Variants in BABAM2 observed in about 807,000 individuals in gnomAD.
The protein encoded by BABAM2 is BRISC and BRCA1 A complex member 2.
BABAM2 carries 31 observed loss-of-function variants against 54.7 expected under a neutral mutation model. That is an observed-to-expected ratio of 0.57 (90% CI 0.43 to 0.77). The LOEUF (loss-of-function observed/expected upper bound fraction) is 0.77, where lower values mean the gene tolerates loss of function less well. Among genes scored for constraint, BABAM2 ranks in the 30% least tolerant of loss-of-function variants. BABAM2 has a pLI of 0.00. For missense variants in BABAM2, 364 were observed against 455.8 expected (o/e 0.80, Z 1.83); for synonymous variants, 167 against 162.9 (o/e 1.03, Z -0.19).
intron 7 of BABAM2, among the ~76,000 whole-genome samples, chr2:28,151,026 A>C (rs1358468909): frequency 6.6e-6 from 1 of 152,196 alleles, no homozygotes; most frequent in Non-Finnish European, 1.5e-5. Context: ...GCAGCGTTCT[A>C]ATCAGATTTG....
chr2:28,245,981 CAGAA>C (rs1682879843), intron 10 of BABAM2, among the ~76,000 whole-genome samples: 2 of 152,154 alleles, frequency 1.3e-5, no homozygotes, highest in African/African-American at 4.8e-5. Context: ...TCCATAGTGG[CAGAA>C]AGAAGAAAAC....
At chr2:28,283,956 C>A (rs891288454) in intron 10 of BABAM2, among the ~76,000 whole-genome samples, 1 of 152,194 alleles carries the variant, frequency 6.6e-6, no homozygotes, top group Admixed American at 6.5e-5. Context: ...GGTTTACTGA[C>A]TGTGAATATG....
At chr2:28,336,850 CGG>C (rs1691513769) in intron 11 of BABAM2, among the ~76,000 whole-genome samples, 1 of 152,192 alleles carries the variant, frequency 6.6e-6, no homozygotes, top group Non-Finnish European at 1.5e-5. Flanking sequence ...ACAGGATCCC[CGG>C]TGAGTGCTCG....
chr2:28,184,171 G>A (rs1012665220), intron 7 of BABAM2, among the ~76,000 whole-genome samples: 1 of 151,624 alleles, frequency 6.6e-6, no homozygotes, highest in African/African-American at 2.4e-5. Context: ...GTGGCATCAA[G>A]AACTAGGACT....
chr2:28,234,567 T>C (rs1035233431), intron 7 of BABAM2, among the ~76,000 whole-genome samples: 6 of 152,212 alleles, frequency 3.9e-5, no homozygotes, highest in African/African-American at 1.4e-4. Context: ...CCTATTACTG[T>C]CAACTCCAGG....
At chr2:28,140,592 T>C (rs1229612195) in intron 7 of BABAM2, among the ~76,000 whole-genome samples, 4 of 152,224 alleles carry the variant, frequency 2.6e-5, no homozygotes, top group Non-Finnish European at 5.9e-5. Flanking sequence ...GTAATACTTT[T>C]AGCATTTCAT....
At chr2:28,028,488 C>T (rs1676047917) in intron 5 of BABAM2, among the ~76,000 whole-genome samples, 1 of 151,128 alleles carries the variant, frequency 6.6e-6, no homozygotes. Flanking sequence ...GCCTACCATA[C>T]TTATTGATTA....
intron 10 of BABAM2, among the ~76,000 whole-genome samples, chr2:28,250,849 A>G (rs1683409809): frequency 6.6e-6 from 1 of 152,000 alleles, no homozygotes; most frequent in Non-Finnish European, 1.5e-5. Flanking sequence ...TCTACCCGCC[A>G]TGGCTTCCCA....
At chr2:28,160,914 T>A (rs1257267519) in intron 7 of BABAM2, among the ~76,000 whole-genome samples, 1 of 152,186 alleles carries the variant, frequency 6.6e-6, no homozygotes, top group East Asian at 1.9e-4. Context: ...GGAAGATTTC[T>A]ACTATCTATG....
upstream of BABAM2, chr2:27,890,188 A>G: frequency 6.8e-7 from 1 of 1,476,822 alleles, no homozygotes; most frequent in Non-Finnish European, 9.4e-7. The surrounding 1 kb of genome is among the most constrained non-coding windows in gnomAD (Gnocchi z 4.8). Context: ...CAAAAGCTCC[A>G]CTGGGCGCAT....
At chr2:28,303,776 C>A (rs1688294563) in intron 11 of BABAM2, among the ~76,000 whole-genome samples, 1 of 151,948 alleles carries the variant, frequency 6.6e-6, no homozygotes, top group African/African-American at 2.4e-5. Context: ...AATACTGAAT[C>A]TTTTATAATA....
intron 3 of BABAM2, among the ~76,000 whole-genome samples, chr2:27,957,606 G>A (rs139098834): frequency 0.021 from 3,208 of 152,146 alleles, 61 homozygotes; most frequent in South Asian, 0.1. Context: ...AAAAGAATTC[G>A]GTAGAGCATG....
intron 7 of BABAM2, among the ~76,000 whole-genome samples, chr2:28,152,354 G>A (rs895596683): frequency 6.6e-6 from 1 of 152,138 alleles, no homozygotes; most frequent in Non-Finnish European, 1.5e-5. Context: ...CTTGCTGGTG[G>A]CCTCAGTACC....
chr2:28,226,399 T>C (rs1443052092), intron 7 of BABAM2, among the ~76,000 whole-genome samples: 1 of 152,232 alleles, frequency 6.6e-6, no homozygotes, highest in Non-Finnish European at 1.5e-5. Context: ...TTATATTCAT[T>C]GGACTTTAAT....
intron 10 of BABAM2, among the ~76,000 whole-genome samples, chr2:28,297,202 G>T (rs1246953027): frequency 1.3e-5 from 2 of 152,122 alleles, no homozygotes; most frequent in Non-Finnish European, 2.9e-5. Flanking sequence ...TTTGAGTCTT[G>T]CCCCTGCCTG....
intron 10 of BABAM2, among the ~76,000 whole-genome samples, chr2:28,273,856 G>A (rs1015000250): frequency 1.3e-5 from 2 of 152,188 alleles, no homozygotes; most frequent in African/African-American, 2.4e-5. Context: ...CAGTGGCTCC[G>A]AGATTCAGCT....
At chr2:28,040,926 A>G (rs906705273) in intron 5 of BABAM2, among the ~76,000 whole-genome samples, 6 of 152,216 alleles carry the variant, frequency 3.9e-5, no homozygotes, top group African/African-American at 7.2e-5. Context: ...TAGGATCAAC[A>G]TTTTGAGAAG....
intron 7 of BABAM2, among the ~76,000 whole-genome samples, chr2:28,178,405 G>A (rs1384477719): frequency 6.6e-6 from 1 of 152,054 alleles, no homozygotes; most frequent in African/African-American, 2.4e-5. Flanking sequence ...AAGAACCACT[G>A]GGTCAAGGAA....
At chr2:28,144,748 C>G (rs1340268061) in intron 7 of BABAM2, among the ~76,000 whole-genome samples, 2 of 152,212 alleles carry the variant, frequency 1.3e-5, no homozygotes, top group South Asian at 2.1e-4. Flanking sequence ...GTTACAAACA[C>G]TATTTTATTC....
Sources: gnomAD v4.1 joint callset for allele counts (sites outside exome capture counted in the v4.1 genomes callset) on GRCh38, gnomAD v4.1.1 for gene constraint, Gnocchi (gnomAD v3.1) non-coding constraint, MANE v1.5 for transcripts, NCBI Gene and HGNC (gene_info 2026-07-23, HGNC 2026-07-21) for gene names.